PAK4: variants seen among roughly 807,000 people sequenced by gnomAD.
PAK4 encodes the protein serine/threonine-protein kinase PAK 4.
Under a neutral mutation model 53.5 loss-of-function variants are expected in PAK4, and 49 were observed. The observed-to-expected ratio is 0.92, with a 90% CI of 0.73 to 1.16. The LOEUF (loss-of-function observed/expected upper bound fraction) is 1.16. Among genes scored for constraint, PAK4 ranks in the 50% most tolerant of loss-of-function variants. PAK4 has a pLI of 0.00. For missense variants in PAK4, 824 were observed against 850.7 expected, an observed-to-expected ratio of 0.97 and a Z score of 0.39; for synonymous variants, 376 against 375.6, an observed-to-expected ratio of 1.00 and a Z score of -0.01.
chr19:39,176,578 G>C lies in PAK4; in HGVS notation c.1360-12G>C. The C allele has an allele frequency of 6.2e-7, 1 of 1,613,588 alleles. No homozygotes were observed. Among genetic ancestry groups the C allele is most frequent in the Non-Finnish European group, 8.5e-7 (1 of 1,179,972 alleles). ...CAGCTCCTCTGACCCCACTGCCTCT[G>C]CCCTGTCCCAGGTGAAGCTGTCAGA... On this transcript the variant is annotated splice_polypyrimidine_tract_variant and intron_variant, in intron 6 of 8. Transcript: ENST00000358301.
chr19:39,179,683 G>A (rs922419128), downstream of PAK4: 1 of 152,264 alleles, frequency 6.6e-6, no homozygotes, highest in Non-Finnish European at 1.5e-5. Context: ...CAATTTCCTG[G>A]AACCTTTTAA....
At chr19:39,133,732 T>C (rs1195967712) in intron 1 of PAK4, among the ~76,000 whole-genome samples, 1 of 152,130 alleles carries the variant, frequency 6.6e-6, no homozygotes, top group Non-Finnish European at 1.5e-5. Flanking sequence ...TCCCAGACCC[T>C]CCCTGCTCCT....
chr19:39,159,616 G>T (rs1195307966), intron 1 of PAK4, among the ~76,000 whole-genome samples: 1 of 152,342 alleles, frequency 6.6e-6, no homozygotes, highest in Non-Finnish European at 1.5e-5. Flanking sequence ...TCGAACTCCT[G>T]ACATCAGGTG....
At chr19:39,176,523 C>T in intron 6 of PAK4, 67 bp from the exon 8 acceptor site, 1 of 1,599,348 alleles carries the variant, frequency 6.3e-7, no homozygotes, top group South Asian at 1.1e-5. Flanking sequence ...ATGACGCAGG[C>T]AGACGCCCCT....
At chr19:39,163,259 C>T (rs572307422) in intron 1 of PAK4, among the ~76,000 whole-genome samples, 2 of 152,132 alleles carry the variant, frequency 1.3e-5, no homozygotes, top group Admixed American at 6.5e-5. Flanking sequence ...CTTCCTGATT[C>T]GAGTTTCATT....
chr19:39,153,079 T>G (rs2074119514), intron 1 of PAK4, among the ~76,000 whole-genome samples: 1 of 152,110 alleles, frequency 6.6e-6, no homozygotes, highest in Non-Finnish European at 1.5e-5. Flanking sequence ...AAATCATAAT[T>G]ATAAATTGTT....
rs150375849 is a variant in PAK4, at chr19:39,159,393, A to G, written c.-22-10139A>G. 5.3e-5 allele frequency among the ~76,000 whole-genome samples: 8 copies of G among 152,240 alleles called. No homozygotes were observed. In the East Asian group the frequency reaches 1.4e-3, roughly 26 times the overall value. On this transcript the variant is annotated intron_variant, in intron 1 of 8. Transcript: ENST00000358301. ...GTCAAGGGGAAGGCACGGGACATGCAGGGTTTTTTTCAGACAGAGTCTCAC... is the reference window on the plus strand; with the variant it reads ...GTCAAGGGGAAGGCACGGGACATGCGGGGTTTTTTTCAGACAGAGTCTCAC...
intron 1 of PAK4, among the ~76,000 whole-genome samples, chr19:39,137,934 G>A (rs968595883): frequency 4.0e-5 from 6 of 151,676 alleles, no homozygotes; most frequent in Non-Finnish European, 7.4e-5. Context: ...CCAAAGTGCT[G>A]GGATTACAGG....
At chr19:39,129,533 G>T (rs544111284) in intron 1 of PAK4, among the ~76,000 whole-genome samples, 1 of 152,226 alleles carries the variant, frequency 6.6e-6, no homozygotes, top group Admixed American at 6.5e-5. Flanking sequence ...GCAGGCTCCG[G>T]GGCTCCCTTT....
rs763288708 is a variant in PAK4, at chr19:39,178,583, C to T, written c.*4C>T. On this transcript the variant is annotated 3_prime_UTR_variant, in exon 9 of 9. Transcript: ENST00000358301. This position sits in a 1 kb window ranked among gnomAD's most constrained non-coding sequence, Gnocchi z 4.4. ...GCGCCAGAACCGCACCAGATGAGGC[C>T]CAGCGCCCTTCCCCTCAACCAAAGA... 3.8e-6 allele frequency: 6 copies of T among 1,573,580 alleles called. No individual in the cohort carries two copies. The highest frequency in any genetic ancestry group is 2.3e-4 in the Middle Eastern group (1 of 4,324).
Position 39,178,421 on chromosome 19 carries a change from C to G in PAK4, c.1621-3C>G. On this transcript the variant is annotated splice_polypyrimidine_tract_variant and splice_region_variant and intron_variant, in intron 8 of 8. Transcript: ENST00000358301. This position sits in a 1 kb window ranked among gnomAD's most constrained non-coding sequence, Gnocchi z 4.4. ...CCCCTGACCCTCCCCTCCTTCTCGA[C>G]AGGTGTCGCCATCCCTGAAGGGCTT... 6.3e-7 allele frequency: 1 copy of G among 1,581,856 alleles called. No individual in the cohort carries two copies.
At chr19:39,167,115 C>T (rs1490872149) in intron 1 of PAK4, among the ~76,000 whole-genome samples, 2 of 152,340 alleles carry the variant, frequency 1.3e-5, no homozygotes, top group East Asian at 1.9e-4. Context: ...CCCAGGTGTC[C>T]CCCACCTCAG....
downstream of PAK4, chr19:39,181,791 C>G (rs1013703099): frequency 6.6e-6 from 1 of 152,296 alleles, no homozygotes. Flanking sequence ...CGACAGGTGC[C>G]GGAGGTGAGG....
intron 1 of PAK4, among the ~76,000 whole-genome samples, chr19:39,155,296 G>A (rs1281620700): frequency 6.6e-6 from 1 of 152,192 alleles, no homozygotes; most frequent in Admixed American, 6.5e-5. Context: ...CCTCCCACAG[G>A]TGTGCCTGGT....
Position 39,173,044 on chromosome 19 carries a change from G to T in PAK4, c.331G>T (p.Ala111Ser). Residue 111 changes from alanine to serine, a missense_variant, in exon 3 of 9, where the codon GCC (alanine) becomes TCC (serine). Ala to Ser is a moderately conservative substitution (Grantham distance 99, BLOSUM62 1). Coordinates refer to ENST00000358301, the Ensembl canonical transcript of PAK4. The surrounding 1 kb of genome is among the most constrained non-coding windows in gnomAD (Gnocchi z 6.9). The stretch of plus-strand genomic sequence containing the variant: ...AGACAGCCCGCCGCCGCCCGCCCGT[G>T]CCCGCCAGGAAAATGGGATGCCAGA... 6.5e-7 allele frequency: 1 copy of T among 1,549,044 alleles called. No homozygotes were observed. The highest frequency in any genetic ancestry group is 8.7e-7 in the Non-Finnish European group (1 of 1,146,854).
chr19:39,144,295 G>C (rs2073964951), intron 1 of PAK4, among the ~76,000 whole-genome samples: 1 of 152,140 alleles, frequency 6.6e-6, no homozygotes, highest in African/African-American at 2.4e-5. Context: ...TCTTCTCTCT[G>C]AGCTTCACTC....
intron 1 of PAK4, among the ~76,000 whole-genome samples, chr19:39,166,780 G>A (rs2074383303): frequency 6.6e-6 from 1 of 152,192 alleles, no homozygotes; most frequent in Admixed American, 6.5e-5. Flanking sequence ...GGCCTCTGTG[G>A]CCCCCATGAG....
chr19:39,137,212 T>C (rs2073831488), intron 1 of PAK4, among the ~76,000 whole-genome samples: 1 of 152,036 alleles, frequency 6.6e-6, no homozygotes, highest in Non-Finnish European at 1.5e-5. Context: ...CCTCCAGGGA[T>C]GCGGTGGTGG....
intron 1 of PAK4, among the ~76,000 whole-genome samples, chr19:39,127,483 A>T (rs1410582287): frequency 6.6e-6 from 1 of 150,746 alleles, no homozygotes; most frequent in Non-Finnish European, 1.5e-5. Flanking sequence ...CTCCCTCCTT[A>T]CCTTAATTAT....
Sources: gnomAD v4.1 joint callset for allele counts (sites outside exome capture counted in the v4.1 genomes callset) on GRCh38, gnomAD v4.1.1 for gene constraint, Gnocchi (gnomAD v3.1) non-coding constraint, MANE v1.5 for transcripts, NCBI Gene and HGNC (gene_info 2026-07-23, HGNC 2026-07-21) for gene names.